The following ORC5 variants were observed in gnomAD, a reference collection of about 807,000 sequenced individuals.
ORC5 encodes protein phosphatase 1, regulatory subunit 117.
Under a neutral mutation model 58.8 loss-of-function variants are expected in ORC5, and 39 were observed. The ratio of observed to expected loss-of-function variants is 0.66; its 90% confidence interval spans 0.51 to 0.87. The LOEUF is 0.87. Among genes scored for constraint, ORC5 ranks in the 40% least tolerant of loss-of-function variants. ORC5 has a pLI of 0.00. For synonymous variants in ORC5, 218 were observed against 177.6 expected (o/e 1.23, Z -1.81); for missense variants, 493 against 506.3 (o/e 0.97, Z 0.25).
intron 3 of ORC5, among the ~76,000 whole-genome samples, chr7:104,200,542 T>C (rs866366286): frequency 6.6e-6 from 1 of 152,222 alleles, no homozygotes; most frequent in Non-Finnish European, 1.5e-5. Context: ...CAATCACTTA[T>C]CACATTCTGC....
chr7:104,183,551 T>C (rs1450094902), intron 8 of ORC5, among the ~76,000 whole-genome samples: 4 of 152,064 alleles, frequency 2.6e-5, no homozygotes, highest in African/African-American at 9.7e-5. Context: ...TAATGTCTGA[T>C]AAAAAGAACT....
In ORC5 at chr7:104,133,261, T is replaced by C. The variant is rs1041062198; in HGVS notation, c.1262+3520A>G. On this transcript the variant is annotated intron_variant, in intron 13 of 13. Coordinates refer to ENST00000297431, the MANE Select transcript of ORC5 (RefSeq NM_002553.4). This position sits in a 1 kb window ranked among gnomAD's most constrained non-coding sequence, Gnocchi z 4.7. ...AGCAGACAGAAGATCAATTAGACTG[T>C]TAGAGAAGAGATGATGGTGGCTTGA... is the stretch of plus-strand genomic sequence containing the variant. Among the ~76,000 whole-genome samples the C allele has an allele frequency of 2.0e-5, 3 of 152,130 alleles. No homozygotes were observed. Among genetic ancestry groups the C allele is most frequent in the Admixed American group, 6.5e-5 (1 of 15,280 alleles).
intron 8 of ORC5, among the ~76,000 whole-genome samples, chr7:104,183,278 C>T (rs553186713): frequency 6.6e-6 from 1 of 152,154 alleles, no homozygotes; most frequent in Non-Finnish European, 1.5e-5. Flanking sequence ...CTTCAAACCT[C>T]CCTTGTGGCT....
chr7:104,176,907 T>C (rs556649717), intron 8 of ORC5, among the ~76,000 whole-genome samples: 40 of 152,324 alleles, frequency 2.6e-4, no homozygotes, highest in Non-Finnish European at 5.3e-4. Context: ...GACACAGAAG[T>C]ACAAAACTAT....
intron 12 of ORC5, among the ~76,000 whole-genome samples, chr7:104,157,841 T>C (rs1224250344): frequency 6.6e-6 from 1 of 152,108 alleles, no homozygotes; most frequent in Non-Finnish European, 1.5e-5. Flanking sequence ...ACAACTACAA[T>C]GACAACTACC....
At chr7:104,144,761 A>G (rs1180864570) in intron 12 of ORC5, among the ~76,000 whole-genome samples, 2 of 152,222 alleles carry the variant, frequency 1.3e-5, no homozygotes, top group Non-Finnish European at 2.9e-5. Context: ...CGTCTCACAA[A>G]TAAATAAATA....
rs780188246 is a variant in ORC5, at chr7:104,165,238, T to C, written c.1035A>G (p.Glu345=). Reference sequence around the variant, plus strand: ...TTAGAAATTAAAATGTAAATACCTTTTCGTGTTTTTTTAGAAAGTTGGTTT... The same window carrying C: ...TTAGAAATTAAAATGTAAATACCTTCTCGTGTTTTTTTAGAAAGTTGGTTT... ...IKKTNFLKKH[E]KTSNHLLGPK... Residue 345 remains glutamate, a synonymous_variant, in exon 11 of 14, where the codon GAA becomes GAG. Coordinates refer to ENST00000297431, the MANE Select transcript of ORC5 (RefSeq NM_002553.4). 5.4e-5 allele frequency: 79 copies of C among 1,476,306 alleles called. No individual in the cohort carries two copies. The highest frequency in any genetic ancestry group is 1.7e-4 in the South Asian group (14 of 82,344). 91.5% of individuals were successfully genotyped at this position (1,476,306 alleles called of 1,614,324 possible).
intron 12 of ORC5, among the ~76,000 whole-genome samples, chr7:104,140,078 T>C (rs1160728867): frequency 2.0e-5 from 3 of 152,128 alleles, no homozygotes; most frequent in Non-Finnish European, 4.4e-5. Flanking sequence ...CTAATCTTAA[T>C]ATAGCTATAT....
At chr7:104,164,469 T>C (rs765425562) in intron 11 of ORC5, among the ~76,000 whole-genome samples, 41 of 152,302 alleles carry the variant, frequency 2.7e-4, no homozygotes, top group Middle Eastern at 6.8e-3. Context: ...TTGTCTATTG[T>C]AGGAGTTCAA....
intron 3 of ORC5, among the ~76,000 whole-genome samples, chr7:104,199,690 A>C (rs959619563): frequency 1.3e-5 from 2 of 152,222 alleles, no homozygotes; most frequent in African/African-American, 2.4e-5. Flanking sequence ...GCCTTATCTC[A>C]GATGAGACTT....
At chr7:104,205,187 T>A (rs558861724) in intron 1 of ORC5, among the ~76,000 whole-genome samples, 1 of 147,064 alleles carries the variant, frequency 6.8e-6, no homozygotes, top group East Asian at 2.0e-4. Flanking sequence ...CCTCCCGGGT[T>A]TAAGCGATTC....
At chr7:104,162,998 T>C (rs1799048594) in intron 11 of ORC5, among the ~76,000 whole-genome samples, 1 of 152,270 alleles carries the variant, frequency 6.6e-6, no homozygotes. Context: ...TTTATCCATA[T>C]AGATACATGT....
intron 8 of ORC5, among the ~76,000 whole-genome samples, chr7:104,181,400 G>A (rs1268489911): frequency 1.3e-5 from 2 of 151,856 alleles, no homozygotes; most frequent in Non-Finnish European, 2.9e-5. Flanking sequence ...TATTCACTAA[G>A]TTCAATAAGA....
At position 104,136,806 on chromosome 7, in the gene ORC5, G is replaced by C. The variant is rs781413014; in HGVS notation, c.1237C>G (p.Leu413Val). 12 of 1,612,900 alleles carry C rather than the reference G, an allele frequency of 7.4e-6. No individual in the cohort carries two copies. The East Asian group carries it at 2.0e-4, about 27-fold the overall frequency. The stretch of plus-strand genomic sequence containing the variant: ...CTTGCAATAGCTCTGATGAAGTCTA[G>C]AGACACTGTGCATTTGTATTTTGGT... ...DGPKYKCTVS[L>V]DFIRAIARTV... The change falls in exon 13 of 14, where the codon CTA becomes GTA. Residue 413 changes from leucine to valine, a missense_variant. Leu to Val is a conservative substitution (Grantham distance 32, BLOSUM62 1). Transcript: ENST00000297431. This position sits in a 1 kb window ranked among gnomAD's most constrained non-coding sequence, Gnocchi z 4.2.
At chr7:104,184,274 C>T (rs34556202) in intron 6 of ORC5, 103 bp from the exon 7 acceptor site, 379,557 of 737,846 alleles carry the variant, frequency 0.51, 103,263 homozygotes, top group Non-Finnish European at 0.58. Flanking sequence ...GGAAATTTTA[C>T]TTAACACATT....
At position 104,159,243 on chromosome 7, in the gene ORC5, C is replaced by T. The variant is rs1370003219; in HGVS notation, c.1149+1829G>A. Among the ~76,000 whole-genome samples the T allele has an allele frequency of 3.5e-5, 5 of 143,458 alleles. 1 individual carries two copies. The highest frequency in any genetic ancestry group is 1.1e-4 in the African/African-American group (4 of 37,656). 94.1% of individuals were successfully genotyped at this position (143,458 alleles called of 152,430 possible). ...ATCACAAGGACAAAAAACCAAACACCGCATGTTCTCACTCATAGGTGGGAA... is the reference window on the plus strand; with the variant it reads ...ATCACAAGGACAAAAAACCAAACACTGCATGTTCTCACTCATAGGTGGGAA... On this transcript the variant is annotated intron_variant, in intron 12 of 13. Transcript: ENST00000297431.
At chr7:104,139,506 T>C (rs1798640453) in intron 12 of ORC5, among the ~76,000 whole-genome samples, 2 of 152,178 alleles carry the variant, frequency 1.3e-5, no homozygotes, top group African/African-American at 4.8e-5. Context: ...TTTAGTCGAT[T>C]ACTTTACTAA....
At chr7:104,148,080 G>A (rs1409113300) in intron 12 of ORC5, among the ~76,000 whole-genome samples, 2 of 152,118 alleles carry the variant, frequency 1.3e-5, no homozygotes, top group Non-Finnish European at 2.9e-5. Flanking sequence ...CATATGGACT[G>A]GAATTTATTA....
chr7:104,187,675 A>G (rs1799578371), intron 6 of ORC5: 2 of 833,476 alleles, frequency 2.4e-6, no homozygotes, highest in Admixed American at 6.2e-5. Flanking sequence ...AAACATCAAC[A>G]TTTTCCAAAC....
Sources: allele counts gnomAD v4.1 joint callset (sites outside exome capture counted in the v4.1 genomes callset), GRCh38; gene constraint gnomAD v4.1.1; non-coding constraint Gnocchi (gnomAD v3.1); transcripts MANE v1.5; gene names NCBI Gene and HGNC (gene_info 2026-07-23, HGNC 2026-07-21).